PHF2: variants seen among roughly 807,000 people sequenced by gnomAD.
The protein encoded by PHF2 is lysine-specific demethylase PHF2.
In PHF2, 27 loss-of-function variants were observed where a neutral mutation model predicts 120.5. The ratio of observed to expected loss-of-function variants is 0.22; its 90% confidence interval spans 0.17 to 0.31. The LOEUF is 0.31. Among genes scored for constraint, PHF2 ranks in the 10% least tolerant of loss-of-function variants. The pLI is 1.00. For synonymous variants in PHF2, 568 were observed against 592.5 expected (o/e 0.96, Z 0.60); for missense variants, 1,024 against 1,434.8 (o/e 0.71, Z 4.63).
At chr9:93,666,878 C>T (rs901846005) in intron 16 of PHF2, among the ~76,000 whole-genome samples, 16 of 151,904 alleles carry the variant, frequency 1.1e-4, no homozygotes, top group Admixed American at 6.6e-4. Flanking sequence ...GAGCCAAGAT[C>T]GCACCACTGC....
At chr9:93,615,380 G>A (rs1469355689) in intron 1 of PHF2, among the ~76,000 whole-genome samples, 1 of 151,816 alleles carries the variant, frequency 6.6e-6, no homozygotes, top group East Asian at 2.0e-4. Context: ...TAGTAATGAT[G>A]GTGACAGTGA....
chr9:93,676,147 T>C (rs1727265889), intron 20 of PHF2, among the ~76,000 whole-genome samples: 1 of 152,194 alleles, frequency 6.6e-6, no homozygotes, highest in African/African-American at 2.4e-5. Context: ...TGAGGTGTTC[T>C]GTCTCTACAT....
intron 1 of PHF2, among the ~76,000 whole-genome samples, chr9:93,597,287 G>A (rs953661666): frequency 2.0e-5 from 3 of 152,188 alleles, no homozygotes; most frequent in African/African-American, 7.2e-5. Context: ...TGGCTAGGCT[G>A]CAGGAGGGTC....
intron 1 of PHF2, among the ~76,000 whole-genome samples, chr9:93,595,087 A>C (rs1396101138): frequency 6.6e-6 from 1 of 152,228 alleles, no homozygotes; most frequent in African/African-American, 2.4e-5. Flanking sequence ...AATAATTACT[A>C]ACAGGCATTT....
intron 2 of PHF2, among the ~76,000 whole-genome samples, chr9:93,633,528 CA>C (rs530414012): frequency 1.7e-3 from 255 of 152,336 alleles, no homozygotes; most frequent in African/African-American, 5.7e-3. Flanking sequence ...TGTGTTGTCA[CA>C]GGGGCGCTGT....
Position 93,656,261 on chromosome 9 carries a change from G to C in PHF2, c.1041-228G>C, listed in dbSNP as rs893854339. Among the ~76,000 whole-genome samples, 8 of 152,090 alleles carry C rather than the reference G, an allele frequency of 5.3e-5. No individual in the cohort carries two copies. The highest frequency in any genetic ancestry group is 1.9e-4 in the African/African-American group (8 of 41,410). On this transcript the variant is annotated intron_variant, in intron 8 of 21. Transcript: ENST00000359246. This position sits in a 1 kb window ranked among gnomAD's most constrained non-coding sequence, Gnocchi z 4.1. ...TGCTGGATGGTTGTAGTTGCCCTTG[G>C]TGGGGTTGGGGTTGCTTAAAAGGCT...
intron 13 of PHF2, 38 bp from the exon 14 acceptor site, chr9:93,663,479 G>A (rs759969657): frequency 7.7e-7 from 1 of 1,300,608 alleles, no homozygotes; most frequent in East Asian, 2.3e-5. Context: ...CCCCACTTCT[G>A]TGTGGGGCTC....
At chr9:93,620,916 C>T (rs1825815073) in intron 1 of PHF2, among the ~76,000 whole-genome samples, 2 of 152,236 alleles carry the variant, frequency 1.3e-5, no homozygotes, top group Admixed American at 6.5e-5. Context: ...TCTGTGAGAA[C>T]AGGATGGCCC....
intron 1 of PHF2, among the ~76,000 whole-genome samples, chr9:93,583,006 C>T (rs534148544): frequency 6.6e-6 from 1 of 152,264 alleles, no homozygotes; most frequent in South Asian, 2.1e-4. Context: ...TATCTAGTTC[C>T]CAAACATCTT....
chr9:93,601,810 G>T (rs1165779968), intron 1 of PHF2, among the ~76,000 whole-genome samples: 1 of 152,128 alleles, frequency 6.6e-6, no homozygotes, highest in African/African-American at 2.4e-5. Flanking sequence ...GGGCAGAGCA[G>T]CCAGGGTCCC....
intron 14 of PHF2, among the ~76,000 whole-genome samples, chr9:93,665,194 G>GA (rs140911363): frequency 0.015 from 2,352 of 152,276 alleles, 61 homozygotes; most frequent in African/African-American, 0.053. Flanking sequence ...TAGCTATGGA[G>GA]AAAAAAACCA....
chr9:93,577,267 C>T (rs1373008109), intron 1 of PHF2, among the ~76,000 whole-genome samples: 1 of 151,516 alleles, frequency 6.6e-6, no homozygotes, highest in Non-Finnish European at 1.5e-5. Context: ...CGCCGCCTCC[C>T]CCCTGCGAAG....
chr9:93,656,102 G>A lies in PHF2; in HGVS notation c.1040+81G>A. The A allele has an allele frequency of 1.7e-6, 2 of 1,185,922 alleles. No individual in the cohort carries two copies. Among genetic ancestry groups the A allele is most frequent in the South Asian group, 2.7e-5 (2 of 73,828 alleles). The allele number at this position is 1,185,922 out of a possible 1,614,324, so 73.5% of individuals were successfully genotyped here. ...AGCTGGGTCGGTGCTAGATGCCTTG[G>A]GCTGAGTCCTGGCACAGCCCGCCTG... On this transcript the variant is annotated intron_variant, in intron 8 of 21. Transcript: ENST00000359246. This position sits in a 1 kb window ranked among gnomAD's most constrained non-coding sequence, Gnocchi z 4.1.
intron 4 of PHF2, 129 bp downstream of exon 4, chr9:93,645,918 C>A: frequency 9.8e-7 from 1 of 1,022,570 alleles, no homozygotes; most frequent in Non-Finnish European, 1.4e-6. Context: ...AGCCTCAAGG[C>A]TCACCGTACT....
chr9:93,619,488 G>A (rs1291340193), intron 1 of PHF2, among the ~76,000 whole-genome samples: 1 of 152,242 alleles, frequency 6.6e-6, no homozygotes, highest in Non-Finnish European at 1.5e-5. Flanking sequence ...GGCGACTCGT[G>A]GGGTGGTGGA....
intron 1 of PHF2, among the ~76,000 whole-genome samples, chr9:93,629,135 A>G (rs4744263): frequency 0.41 from 62,109 of 151,938 alleles, 13,107 homozygotes; most frequent in South Asian, 0.67. Flanking sequence ...TCCTGACCTC[A>G]AGTGATCCGC....
intron 3 of PHF2, among the ~76,000 whole-genome samples, chr9:93,636,901 C>T (rs566016450): frequency 2.0e-5 from 3 of 152,348 alleles, no homozygotes; most frequent in Admixed American, 1.3e-4. Flanking sequence ...CCCAGGCAGG[C>T]GTTGTCCTCA....
At chr9:93,623,958 C>G (rs1825865503) in intron 1 of PHF2, among the ~76,000 whole-genome samples, 1 of 152,234 alleles carries the variant, frequency 6.6e-6, no homozygotes, top group South Asian at 2.1e-4. Context: ...AGCTCACTGT[C>G]TAACGAGTGT....
At chr9:93,646,056 G>A (rs1000278656) in intron 4 of PHF2, among the ~76,000 whole-genome samples, 25 of 152,312 alleles carry the variant, frequency 1.6e-4, no homozygotes, top group African/African-American at 5.8e-4. Context: ...TTTGATTCTG[G>A]CAGCTATGAA....
Sources: allele counts gnomAD v4.1 joint callset (sites outside exome capture counted in the v4.1 genomes callset), GRCh38; gene constraint gnomAD v4.1.1; non-coding constraint Gnocchi (gnomAD v3.1); transcripts MANE v1.5; gene names NCBI Gene and HGNC (gene_info 2026-07-23, HGNC 2026-07-21).